The following PHACTR1 variants were observed in gnomAD, a reference collection of about 807,000 sequenced individuals.
PHACTR1 encodes RPEL repeat containing 1.
In PHACTR1, 16 loss-of-function variants were observed where a neutral mutation model predicts 69.2. That is an observed-to-expected ratio of 0.23 (90% confidence interval 0.16 to 0.35). The LOEUF is 0.35. Among genes scored for constraint, PHACTR1 ranks in the 10% least tolerant of loss-of-function variants. PHACTR1 has a pLI of 1.00. For synonymous variants in PHACTR1, 312 were observed against 284.5 expected, an observed-to-expected ratio of 1.10 and a Z score of -0.97; for missense variants, 510 against 734.7, an observed-to-expected ratio of 0.69 and a Z score of 3.54.
chr6:12,855,642 AAG>A (rs1470162122), intron 4 of PHACTR1, among the ~76,000 whole-genome samples: 1 of 152,108 alleles, frequency 6.6e-6, no homozygotes, highest in Non-Finnish European at 1.5e-5. Flanking sequence ...GGAACTCCAG[AAG>A]AAGGGAGGGA....
At chr6:13,154,291 A>G (rs746918305) in intron 5 of PHACTR1, among the ~76,000 whole-genome samples, 8 of 152,056 alleles carry the variant, frequency 5.3e-5, no homozygotes, top group Non-Finnish European at 1.2e-4. Flanking sequence ...CACCCTCCTG[A>G]GTAAGCTGTG....
At chr6:13,238,807 C>T (rs957584702) in intron 10 of PHACTR1, among the ~76,000 whole-genome samples, 3 of 152,102 alleles carry the variant, frequency 2.0e-5, no homozygotes, top group African/African-American at 4.8e-5. Context: ...TCTTCTGCTG[C>T]AGAAACACTT....
At chr6:12,789,765 A>AT (rs1486895933) in intron 4 of PHACTR1, among the ~76,000 whole-genome samples, 1 of 150,466 alleles carries the variant, frequency 6.6e-6, no homozygotes, top group East Asian at 1.9e-4. Context: ...TTTATTTTTT[A>AT]TTTTTTTATT....
intron 4 of PHACTR1, among the ~76,000 whole-genome samples, chr6:12,886,589 A>T (rs1783666550): frequency 6.6e-6 from 1 of 152,180 alleles, no homozygotes; most frequent in South Asian, 2.1e-4. Context: ...CTGAACTTGA[A>T]CTCTCAAATG....
At chr6:12,928,613 A>G (rs945595776) in intron 4 of PHACTR1, among the ~76,000 whole-genome samples, 1 of 40,564 alleles carries the variant, frequency 2.5e-5, no homozygotes, top group Admixed American at 2.4e-4. Flanking sequence ...CCACCCACCC[A>G]CCCACCCATC....
chr6:12,980,741 AC>A (rs1387532492), intron 4 of PHACTR1, among the ~76,000 whole-genome samples: 1 of 152,232 alleles, frequency 6.6e-6, no homozygotes, highest in East Asian at 1.9e-4. Context: ...TTCTAGAGAC[AC>A]TGGTGCAGAC....
At chr6:13,113,173 C>T (rs1174666910) in intron 5 of PHACTR1, among the ~76,000 whole-genome samples, 1 of 151,966 alleles carries the variant, frequency 6.6e-6, no homozygotes, top group East Asian at 1.9e-4. Flanking sequence ...TGCACTCCAG[C>T]CTGAGTGGCA....
At chr6:13,261,340 G>A (rs1036424575) in intron 10 of PHACTR1, among the ~76,000 whole-genome samples, 1 of 152,168 alleles carries the variant, frequency 6.6e-6, no homozygotes, top group African/African-American at 2.4e-5. Context: ...CAAGAAAGAG[G>A]TAAAGGTTAA....
At chr6:13,166,677 C>A (rs756096753) in intron 6 of PHACTR1, among the ~76,000 whole-genome samples, 1 of 151,956 alleles carries the variant, frequency 6.6e-6, no homozygotes, top group Non-Finnish European at 1.5e-5. Flanking sequence ...TGCCAAATGC[C>A]CTACTTTCAG....
At chr6:12,880,450 T>C (rs1481402097) in intron 4 of PHACTR1, among the ~76,000 whole-genome samples, 1 of 152,012 alleles carries the variant, frequency 6.6e-6, no homozygotes. Flanking sequence ...GAGAAGAGGT[T>C]TTGCCACGTT....
At chr6:13,112,894 A>C (rs1817261221) in intron 5 of PHACTR1, among the ~76,000 whole-genome samples, 1 of 152,048 alleles carries the variant, frequency 6.6e-6, no homozygotes, top group Non-Finnish European at 1.5e-5. Context: ...CCCATTTGTC[A>C]GTTTTTACAT....
intron 6 of PHACTR1, among the ~76,000 whole-genome samples, chr6:13,165,149 T>A (rs1759602496): frequency 6.6e-6 from 1 of 152,068 alleles, no homozygotes; most frequent in Admixed American, 6.5e-5. Context: ...GGACAGAAAA[T>A]TATAGGTTCT....
chr6:12,753,787 T>A (rs1351128381), intron 4 of PHACTR1, among the ~76,000 whole-genome samples: 1 of 151,972 alleles, frequency 6.6e-6, no homozygotes, highest in Non-Finnish European at 1.5e-5. Context: ...TAAGGATGGA[T>A]GGGTCTACAA....
chr6:12,911,275 T>G (rs1333989429), intron 4 of PHACTR1, among the ~76,000 whole-genome samples: 1 of 152,154 alleles, frequency 6.6e-6, no homozygotes, highest in Non-Finnish European at 1.5e-5. Flanking sequence ...CTGTGTTTCT[T>G]CTAGTTTCTG....
chr6:12,725,980 A>G (rs1762740617), intron 3 of PHACTR1, among the ~76,000 whole-genome samples: 2 of 152,198 alleles, frequency 1.3e-5, no homozygotes, highest in African/African-American at 4.8e-5. Context: ...TAGAAAATAG[A>G]ACCTCCTAAC....
At chr6:12,794,316 G>A (rs1278998425) in intron 4 of PHACTR1, among the ~76,000 whole-genome samples, 1 of 152,170 alleles carries the variant, frequency 6.6e-6, no homozygotes, top group Non-Finnish European at 1.5e-5. Context: ...AAGTGTTAAG[G>A]GTATCCTTGC....
chr6:12,815,118 C>G (rs555743492), intron 4 of PHACTR1, among the ~76,000 whole-genome samples: 1 of 152,258 alleles, frequency 6.6e-6, no homozygotes, highest in African/African-American at 2.4e-5. Context: ...TGTAGAAACA[C>G]CCCCATGCCA....
chr6:12,845,202 G>T (rs1259104135), intron 4 of PHACTR1, among the ~76,000 whole-genome samples: 1 of 152,160 alleles, frequency 6.6e-6, no homozygotes, highest in Non-Finnish European at 1.5e-5. Flanking sequence ...ATCAATGCAT[G>T]ATTTATAAGA....
At chr6:12,758,373 C>T (rs1324298406) in intron 4 of PHACTR1, among the ~76,000 whole-genome samples, 3 of 144,470 alleles carry the variant, frequency 2.1e-5, no homozygotes, top group Non-Finnish European at 3.0e-5. Flanking sequence ...ACCCAGGAGG[C>T]GGAGGTGAGC....
Sources: allele counts gnomAD v4.1 joint callset (sites outside exome capture counted in the v4.1 genomes callset), GRCh38; gene constraint gnomAD v4.1.1; transcripts MANE v1.5; gene names NCBI Gene and HGNC (gene_info 2026-07-23, HGNC 2026-07-21).